The following MYT1L variants were observed in gnomAD, a reference collection of about 807,000 sequenced individuals.
MYT1L encodes myelin transcription factor 1-like protein.
Under a neutral mutation model 126.7 loss-of-function variants are expected in MYT1L, and 12 were observed. The observed-to-expected ratio is 0.09, with a 90% confidence interval of 0.06 to 0.15. The LOEUF is 0.15. MYT1L is among the 10% of genes least tolerant of loss of function. The probability of loss-of-function intolerance (pLI) is 1.00; values close to 1 mark genes in which losing one functional copy is unlikely to be tolerated. For synonymous variants in MYT1L, 541 were observed against 604.2 expected (o/e 0.90, Z 1.53); for missense variants, 979 against 1,585.2 (o/e 0.62, Z 6.49).
chr2:1,858,796 G>A (rs1049708699), intron 18 of MYT1L, among the ~76,000 whole-genome samples: 1 of 152,162 alleles, frequency 6.6e-6, no homozygotes, highest in Non-Finnish European at 1.5e-5. Context: ...TTTCTCCCAC[G>A]CTAATACAGC....
At chr2:2,267,423 C>T (rs1037681957) in intron 2 of MYT1L, among the ~76,000 whole-genome samples, 8 of 152,122 alleles carry the variant, frequency 5.3e-5, no homozygotes, top group East Asian at 1.9e-4. Context: ...CGTCAAAGTG[C>T]ACGCTTTAGT....
chr2:2,187,474 T>C (rs748644367), intron 2 of MYT1L, among the ~76,000 whole-genome samples: 21 of 151,970 alleles, frequency 1.4e-4, no homozygotes, highest in Non-Finnish European at 2.5e-4. Flanking sequence ...GGCATGTTAT[T>C]ACCCAGCTTA....
intron 2 of MYT1L, among the ~76,000 whole-genome samples, chr2:2,283,205 A>G (rs1325825427): frequency 3.3e-5 from 5 of 152,252 alleles, no homozygotes; most frequent in African/African-American, 9.6e-5. Flanking sequence ...CAAAGAAATC[A>G]GTCTTGAAGA....
intron 2 of MYT1L, among the ~76,000 whole-genome samples, chr2:2,206,288 A>G (rs893990397): frequency 1.3e-5 from 2 of 151,764 alleles, no homozygotes; most frequent in African/African-American, 2.4e-5. Context: ...AAGCTGTACC[A>G]TACTTTCATG....
At chr2:1,931,715 T>C (rs1461007804) in intron 9 of MYT1L, among the ~76,000 whole-genome samples, 1 of 152,206 alleles carries the variant, frequency 6.6e-6, no homozygotes, top group Non-Finnish European at 1.5e-5. Flanking sequence ...TGTCTGTGCG[T>C]TGAGGAGCTC....
chr2:2,317,279 C>A (rs2096081865), intron 1 of MYT1L, among the ~76,000 whole-genome samples: 1 of 152,116 alleles, frequency 6.6e-6, no homozygotes, highest in Non-Finnish European at 1.5e-5. Context: ...CACGTCTCTG[C>A]AAAATGGTGA....
At chr2:2,168,577 A>G (rs1032842951) in intron 3 of MYT1L, among the ~76,000 whole-genome samples, 1 of 152,330 alleles carries the variant, frequency 6.6e-6, no homozygotes, top group Middle Eastern at 3.4e-3. Context: ...TCTACACAAT[A>G]GACATAGCAA....
chr2:2,007,311 A>T (rs2063425675), intron 4 of MYT1L, among the ~76,000 whole-genome samples: 1 of 151,732 alleles, frequency 6.6e-6, no homozygotes, highest in African/African-American at 2.4e-5. Flanking sequence ...TTTGTCCACA[A>T]CCTCACCAAC....
chr2:2,133,636 A>AT lies in MYT1L; in HGVS notation c.-304+39235dup, dbSNP rs201195350. Among the ~76,000 whole-genome samples the AT allele has an allele frequency of 8.6e-3, 1,307 of 152,182 alleles. 8 individuals carry two copies. The highest frequency in any genetic ancestry group is 0.015 in the Non-Finnish European group (1,010 of 68,002). Reference sequence around the variant, plus strand: ...TTAAAAGGGGATAAATAGCTGATTAATTTTTTTTCCAGTTTGTCTCCAAAT... The same window carrying AT: ...TTAAAAGGGGATAAATAGCTGATTAATTTTTTTTTCCAGTTTGTCTCCAAAT... On this transcript the variant is annotated intron_variant, in intron 3 of 24. Coordinates refer to ENST00000647738, the MANE Select transcript of MYT1L (RefSeq NM_001303052.2).
At chr2:1,950,860 T>C (rs1189141911) in intron 8 of MYT1L, among the ~76,000 whole-genome samples, 1 of 151,972 alleles carries the variant, frequency 6.6e-6, no homozygotes, top group African/African-American at 2.4e-5. Context: ...GGTGTGAGAA[T>C]GAGGTGGAGG....
intron 2 of MYT1L, among the ~76,000 whole-genome samples, chr2:2,218,889 A>G (rs2093770818): frequency 6.6e-6 from 1 of 152,238 alleles, no homozygotes; most frequent in Non-Finnish European, 1.5e-5. Flanking sequence ...GGTTCCCAGC[A>G]TTCCTCATGT....
At position 1,922,906 on chromosome 2, in the gene MYT1L, C is replaced by T. The variant is rs761443793; in HGVS notation, c.863G>A (p.Ser288Asn). ...ENMNDRNYAD[S>N]MSQQDSRNMN... ...ATTTCTACTGTCTTGCTGCGACATGCTGTCTGCATAATTTCTGTCATTCAT... is the reference window on the plus strand; with the variant it reads ...ATTTCTACTGTCTTGCTGCGACATGTTGTCTGCATAATTTCTGTCATTCAT... The change falls in exon 10 of 25, where the codon AGC becomes AAC. Residue 288 changes from serine to asparagine, a missense_variant. Transcript: ENST00000647738. This position sits in a 1 kb window ranked among gnomAD's most constrained non-coding sequence, Gnocchi z 7.4. 3.7e-6 allele frequency: 6 copies of T among 1,614,046 alleles called. No individual in the cohort carries two copies. The highest frequency in any genetic ancestry group is 1.1e-5 in the South Asian group (1 of 91,082).
chr2:1,928,915 A>G (rs1282171625), intron 9 of MYT1L, among the ~76,000 whole-genome samples: 1 of 152,104 alleles, frequency 6.6e-6, no homozygotes, highest in Non-Finnish European at 1.5e-5. Flanking sequence ...GGGAAGCCTG[A>G]GGGATCTGCA....
intron 4 of MYT1L, among the ~76,000 whole-genome samples, chr2:2,046,661 T>TG (rs2068225042): frequency 1.3e-5 from 2 of 152,228 alleles, no homozygotes; most frequent in Admixed American, 1.3e-4. Flanking sequence ...ACTTGGTTCT[T>TG]GCAGGTGTGG....
intron 3 of MYT1L, among the ~76,000 whole-genome samples, chr2:2,155,808 G>A (rs1402764964): frequency 1.3e-5 from 2 of 152,060 alleles, no homozygotes; most frequent in East Asian, 1.9e-4. Context: ...CTTTCACCAC[G>A]GAGCCATCAA....
intron 2 of MYT1L, among the ~76,000 whole-genome samples, chr2:2,262,177 T>A: frequency 6.6e-6 from 1 of 152,150 alleles, no homozygotes; most frequent in East Asian, 1.9e-4. Context: ...ATTTGTGAAG[T>A]AGGTAAATAA....
intron 3 of MYT1L, among the ~76,000 whole-genome samples, chr2:2,162,402 G>C (rs1018978217): frequency 1.3e-5 from 2 of 152,120 alleles, no homozygotes; most frequent in Non-Finnish European, 2.9e-5. Flanking sequence ...CAGAGAAGGA[G>C]GTCGGGCAGG....
At chr2:2,185,748 C>A (rs111952382) in intron 2 of MYT1L, among the ~76,000 whole-genome samples, 6,104 of 113,988 alleles carry the variant, frequency 0.054, 381 homozygotes, top group African/African-American at 0.11. Flanking sequence ...GCAGCCGGGC[C>A]TCCCAGACGC....
intron 3 of MYT1L, among the ~76,000 whole-genome samples, chr2:2,125,990 C>T (rs893814631): frequency 1.3e-5 from 2 of 152,204 alleles, no homozygotes; most frequent in African/African-American, 4.8e-5. Context: ...CTGTTTCATT[C>T]TCATTATCAC....
Sources: gnomAD v4.1 joint callset for allele counts (sites outside exome capture counted in the v4.1 genomes callset) on GRCh38, gnomAD v4.1.1 for gene constraint, Gnocchi (gnomAD v3.1) non-coding constraint, MANE v1.5 for transcripts, NCBI Gene and HGNC (gene_info 2026-07-23, HGNC 2026-07-21) for gene names.